TLE1: variants seen among roughly 807,000 people sequenced by gnomAD.
TLE1 encodes the protein TLE family member 1, transcriptional corepressor.
TLE1 carries 21 observed loss-of-function variants against 89.8 expected under a neutral mutation model. The ratio of observed to expected loss-of-function variants is 0.23; its 90% confidence interval spans 0.17 to 0.34. The LOEUF is 0.34. Ranked by LOEUF, TLE1 falls within the 10% of genes least tolerant of loss-of-function variation. The probability of loss-of-function intolerance (pLI) is 1.00; values close to 1 mark genes in which losing one functional copy is unlikely to be tolerated. For missense variants in TLE1, 795 were observed against 1,031.2 expected, an observed-to-expected ratio of 0.77 and a Z score of 3.14; for synonymous variants, 447 against 407.6, an observed-to-expected ratio of 1.10 and a Z score of -1.16.
At chr9:81,589,916 C>T (rs1197474473) in intron 16 of TLE1, among the ~76,000 whole-genome samples, 1 of 152,058 alleles carries the variant, frequency 6.6e-6, no homozygotes, top group Non-Finnish European at 1.5e-5. Flanking sequence ...CCGGGCCCGG[C>T]TCAATGACAC....
intron 8 of TLE1, among the ~76,000 whole-genome samples, chr9:81,632,530 T>A (rs1826804529): frequency 6.6e-6 from 1 of 150,984 alleles, no homozygotes; most frequent in Non-Finnish European, 1.5e-5. Flanking sequence ...ACTGCTATGT[T>A]CAGAAAGAAG....
chr9:81,670,908 C>A (rs1342898128), intron 4 of TLE1, among the ~76,000 whole-genome samples: 2 of 152,062 alleles, frequency 1.3e-5, no homozygotes, highest in African/African-American at 4.8e-5. Flanking sequence ...GTGGCTCATG[C>A]TGTTAATCCC....
Position 81,616,694 on chromosome 9 carries a change from A to G in TLE1, c.717T>C (p.Ser239=). The G allele has an allele frequency of 6.2e-7, 1 of 1,614,092 alleles. No homozygotes were observed. The highest frequency in any genetic ancestry group is 1.3e-5 in the African/African-American group (1 of 75,036). Residue 239 remains serine (S), a synonymous_variant, in exon 10 of 20, where the codon AGT becomes AGC. Coordinates refer to ENST00000376499, the MANE Select transcript of TLE1 (RefSeq NM_005077.5). The part of the protein sequence containing the change: ...VDDKDSSHYD[S]DGDKSDDNLV... ...AGTTGTCATCGCTTTTGTCACCATC[A>G]CTGTCCTGGAAAAAAGAAACATTAA...
chr9:81,620,632 G>T (rs1313457033), intron 8 of TLE1, 75 bp from the exon 9 acceptor site: 1 of 1,552,668 alleles, frequency 6.4e-7, no homozygotes, highest in African/African-American at 1.4e-5. Flanking sequence ...CTCGATGTGA[G>T]AACTATTTTT....
intron 4 of TLE1, among the ~76,000 whole-genome samples, chr9:81,682,553 T>C (rs563278349): frequency 6.6e-6 from 1 of 152,322 alleles, no homozygotes; most frequent in Admixed American, 6.5e-5. Context: ...AAGGTTTATG[T>C]GTGCATTTAC....
intron 7 of TLE1, 92 bp downstream of exon 7, chr9:81,634,005 T>C (rs1040372271): frequency 7.5e-7 from 1 of 1,337,558 alleles, no homozygotes; most frequent in Non-Finnish European, 1.0e-6. Flanking sequence ...GCTCTCTGTA[T>C]AGGTTGGGGC....
intron 6 of TLE1, among the ~76,000 whole-genome samples, chr9:81,645,000 CAAAAAAAAAA>C (rs150421441): frequency 4.6e-5 from 3 of 64,894 alleles, no homozygotes; most frequent in Non-Finnish European, 8.2e-5. Flanking sequence ...GACACTGTCT[CAAAAAAAAAA>C]AAAAAAAAAA....
chr9:81,674,666 G>A (rs1832663181), intron 4 of TLE1, among the ~76,000 whole-genome samples: 1 of 152,316 alleles, frequency 6.6e-6, no homozygotes, highest in African/African-American at 2.4e-5. Flanking sequence ...TCATTGAGGG[G>A]TCAGAACAAA....
chr9:81,589,898 C>T (rs752092603), intron 16 of TLE1, among the ~76,000 whole-genome samples: 9 of 152,224 alleles, frequency 5.9e-5, no homozygotes, highest in South Asian at 2.1e-4. Flanking sequence ...GTCACCCACA[C>T]GCAGGGACCG....
intron 4 of TLE1, among the ~76,000 whole-genome samples, chr9:81,684,690 G>A (rs777963929): frequency 5.3e-5 from 8 of 152,192 alleles, no homozygotes; most frequent in Non-Finnish European, 1.0e-4. Context: ...AGTAAGAATT[G>A]TATTGTTGCA....
chr9:81,616,368 A>T (rs891322214), intron 10 of TLE1, among the ~76,000 whole-genome samples: 10 of 152,168 alleles, frequency 6.6e-5, no homozygotes, highest in Non-Finnish European at 1.5e-4. Context: ...CTCATGCTTA[A>T]GAACTTTGCC....
At chr9:81,587,907 CGT>C (rs71496083) in intron 16 of TLE1, 79 bp from the exon 17 acceptor site, 1,124 of 752,976 alleles carry the variant, frequency 1.5e-3, no homozygotes, top group East Asian at 6.6e-3. Flanking sequence ...AGTTTTGGAC[CGT>C]GTGTGTGTGT....
chr9:81,661,228 T>C (rs1564045932), intron 4 of TLE1, among the ~76,000 whole-genome samples: 2 of 148,476 alleles, frequency 1.3e-5, no homozygotes, highest in Admixed American at 6.7e-5. Context: ...ATATCTTTTT[T>C]TCAAGATATG....
chr9:81,611,426 C>T (rs368313583), intron 13 of TLE1, among the ~76,000 whole-genome samples: 2 of 152,132 alleles, frequency 1.3e-5, no homozygotes, highest in South Asian at 2.1e-4. Flanking sequence ...GTGAACCACT[C>T]GAATCATTTC....
chr9:81,682,272 C>A (rs1302345821), intron 4 of TLE1, among the ~76,000 whole-genome samples: 1 of 150,854 alleles, frequency 6.6e-6, no homozygotes, highest in African/African-American at 2.4e-5. Flanking sequence ...AAAAAAGCAG[C>A]AGCAGCAGCA....
At chr9:81,672,004 AC>A (rs1832289241) in intron 4 of TLE1, among the ~76,000 whole-genome samples, 1 of 152,170 alleles carries the variant, frequency 6.6e-6, no homozygotes. Context: ...ACCCAGGCCA[AC>A]TGGCAGGCTA....
chr9:81,643,247 T>TGG (rs1487419263), intron 6 of TLE1, among the ~76,000 whole-genome samples: 13 of 151,876 alleles, frequency 8.6e-5, no homozygotes, highest in East Asian at 1.9e-4. Flanking sequence ...TTTTTTGGTT[T>TGG]TTTTTTTTGA....
At chr9:81,663,365 CCT>C (rs1831059661) in intron 4 of TLE1, among the ~76,000 whole-genome samples, 1 of 151,852 alleles carries the variant, frequency 6.6e-6, no homozygotes, top group Non-Finnish European at 1.5e-5. Flanking sequence ...CCACATATTC[CCT>C]GTCTAGTTCT....
chr9:81,636,140 G>C (rs749858575), intron 6 of TLE1, among the ~76,000 whole-genome samples: 1 of 152,118 alleles, frequency 6.6e-6, no homozygotes, highest in Non-Finnish European at 1.5e-5. Flanking sequence ...AGCATTCTTG[G>C]AAAGTATAAA....
Sources: allele counts gnomAD v4.1 joint callset (sites outside exome capture counted in the v4.1 genomes callset), GRCh38; gene constraint gnomAD v4.1.1; transcripts MANE v1.5; gene names NCBI Gene and HGNC (gene_info 2026-07-23, HGNC 2026-07-21).